The following SZT2 variants were observed in gnomAD, a reference collection of about 807,000 sequenced individuals.
The protein encoded by SZT2 is SZT2 subunit of KICSTOR complex.
A neutral mutation model predicts 404.2 loss-of-function variants in SZT2; 216 were observed. The observed-to-expected ratio is 0.53, with a 90% CI of 0.48 to 0.60. The LOEUF is 0.60. SZT2 is among the 20% of genes least tolerant of loss of function. SZT2 has a pLI of 0.00. For synonymous variants in SZT2, 1,693 were observed against 1,749.9 expected, an observed-to-expected ratio of 0.97 and a Z score of 0.81; for missense variants, 3,857 against 4,459.2, an observed-to-expected ratio of 0.86 and a Z score of 3.85.
rs150556127 is a variant in SZT2, at chr1:43,450,756, C to T, written c.*276C>T. 8.9e-5 allele frequency: 62 copies of T among 695,002 alleles called. No homozygotes were observed. Among genetic ancestry groups the T allele is most frequent in the Middle Eastern group, 5.2e-4 (2 of 3,822 alleles). 43.1% of individuals were successfully genotyped at this position (695,002 alleles called of 1,614,324 possible). On this transcript the variant is annotated 3_prime_UTR_variant, in exon 72 of 72. Coordinates refer to ENST00000634258, the MANE Select transcript of SZT2 (RefSeq NM_001365999.1). The surrounding 1 kb of genome is among the most constrained non-coding windows in gnomAD (Gnocchi z 4.3). The stretch of plus-strand genomic sequence containing the variant: ...TTGGGCCCTTCTGGGGTACTCCTTT[C>T]GGCCCCCCTGGTAGAGTCTCGGGAG...
chr1:43,416,620 T>C lies in SZT2; in HGVS notation c.858T>C (p.Thr286=). The change falls in exon 7 of 72, where the codon ACT becomes ACC. Residue 286 remains threonine (T), a synonymous_variant. Coordinates refer to ENST00000634258, the MANE Select transcript of SZT2 (RefSeq NM_001365999.1). ...TGCTGAACCAGCTTCGCAGTGGCAC[T>C]GTGGCTTGTTCCTTTGTCCAGGTGA... The part of the protein sequence containing the change: ...ETLLNQLRSG[T]VACSFVQVGG... 2 of 1,597,968 alleles carry C rather than the reference T, an allele frequency of 1.3e-6. No homozygotes were observed. The highest frequency in any genetic ancestry group is 3.3e-5 in the Admixed American group (2 of 59,956).
At position 43,454,159 on chromosome 1, in the gene SZT2, T is replaced by A; in HGVS notation, c.*3679T>A. The A allele has an allele frequency of 2.5e-6, 1 of 397,452 alleles. No homozygotes were observed. Among genetic ancestry groups the A allele is most frequent in the Non-Finnish European group, 3.5e-6 (1 of 283,132 alleles). 24.6% of individuals were successfully genotyped at this position (397,452 alleles called of 1,614,324 possible). A position where few individuals can be genotyped will look rare whatever the true frequency, so the allele number is the denominator to read the frequency against. ...ATGGGACGCGCACTTTAATACTGAG[T>A]CTTTCCTCTGATTATAAAAATGCTA... On this transcript the variant is annotated 3_prime_UTR_variant, in exon 72 of 72. Transcript: ENST00000634258.
chr1:43,401,526 G>A (rs1440799034), intron 1 of SZT2, among the ~76,000 whole-genome samples: 3 of 151,752 alleles, frequency 2.0e-5, no homozygotes, highest in African/African-American at 7.3e-5. Flanking sequence ...TCACTCTGTC[G>A]CCCAGGATGG....
rs749007292 is a variant in SZT2 at position 43,433,102 on chromosome 1, C to T, written c.5716C>T (p.Leu1906Phe). 1.9e-6 allele frequency: 3 copies of T among 1,614,212 alleles called. No homozygotes were observed. The highest frequency in any genetic ancestry group is 2.5e-6 in the Non-Finnish European group (3 of 1,180,036). Reference sequence around the variant, plus strand: ...TGGGCCAGCACCTCCACAGCCTTCACTCTCAGGCCTCCCTGGGCCCTGCCT... The same window carrying T: ...TGGGCCAGCACCTCCACAGCCTTCATTCTCAGGCCTCCCTGGGCCCTGCCT... ...PPGPAPPQPS[L>F]SGLPGPCLPD... The change falls in exon 40 of 72, where the codon CTC becomes TTC. Residue 1906 changes from leucine (L) to phenylalanine (F), a missense_variant. Leu to Phe is a conservative substitution (Grantham distance 22). This residue lies in a region of SZT2 where 1,725 missense variants were observed against 1,881.0 expected (regional missense o/e 0.92). Coordinates refer to ENST00000634258, the MANE Select transcript of SZT2 (RefSeq NM_001365999.1).
intron 1 of SZT2, among the ~76,000 whole-genome samples, chr1:43,398,989 A>C (rs1211145920): frequency 6.6e-6 from 1 of 152,080 alleles, no homozygotes; most frequent in Non-Finnish European, 1.5e-5. Flanking sequence ...CTGAGGTGGG[A>C]GAATCGCTTG....
In SZT2 at chr1:43,440,018, G is replaced by C; in HGVS notation, c.7180G>C (p.Ala2394Pro). ...DAIIELQLLP[A>P]SLCTEDTPTG... is the part of the protein sequence containing the mutation. ...CATCATCGAGCTTCAGCTGCTGCCAGCTTCACTATGTACAGAGGACACACC... is the reference window on the plus strand; with the variant it reads ...CATCATCGAGCTTCAGCTGCTGCCACCTTCACTATGTACAGAGGACACACC... Residue 2394 changes from alanine (A) to proline (P), a missense_variant, in exon 51 of 72, where the codon GCT becomes CCT. Transcript: ENST00000634258. 6.2e-7 allele frequency: 1 copy of C among 1,614,094 alleles called. No homozygotes were observed. The highest frequency in any genetic ancestry group is 8.5e-7 in the Non-Finnish European group (1 of 1,179,972).
chr1:43,429,459 C>G, intron 28 of SZT2: 1 of 460,458 alleles, frequency 2.2e-6, no homozygotes, highest in Non-Finnish European at 4.0e-6. Context: ...CACTGCACTC[C>G]TACCTCAGCA....
chr1:43,450,179 C>T lies in SZT2; in HGVS notation c.10155+8C>T, dbSNP rs763860541. On this transcript the variant is annotated splice_region_variant and intron_variant, in intron 71 of 71. Coordinates refer to ENST00000634258, the MANE Select transcript of SZT2 (RefSeq NM_001365999.1). The surrounding 1 kb of genome is among the most constrained non-coding windows in gnomAD (Gnocchi z 4.3). ...TCCCACTTAGGAAAGACGGTAAGAA[C>T]GAGTGGGGGGCTTTGTGTCAGCCTC... The T allele has an allele frequency of 1.4e-5, 22 of 1,614,106 alleles. No individual in the cohort carries two copies. The highest frequency in any genetic ancestry group is 3.3e-4 in the Middle Eastern group (2 of 6,062).
At position 43,454,164 on chromosome 1, in the gene SZT2, C is replaced by T. The variant is rs548003469; in HGVS notation, c.*3684C>T. On this transcript the variant is annotated 3_prime_UTR_variant, in exon 72 of 72. Coordinates refer to ENST00000634258, the MANE Select transcript of SZT2 (RefSeq NM_001365999.1). Reference sequence around the variant, plus strand: ...ACGCGCACTTTAATACTGAGTCTTTCCTCTGATTATAAAAATGCTATCTGT... The same window carrying T: ...ACGCGCACTTTAATACTGAGTCTTTTCTCTGATTATAAAAATGCTATCTGT... The T allele has an allele frequency of 2.6e-3, 969 of 373,316 alleles. 4 individuals carry two copies. The highest frequency in any genetic ancestry group is 3.3e-3 in the Non-Finnish European group (868 of 262,562). 23.1% of individuals were successfully genotyped at this position (373,316 alleles called of 1,614,324 possible).
intron 46 of SZT2, among the ~76,000 whole-genome samples, chr1:43,438,489 G>C (rs975104548): frequency 6.6e-6 from 1 of 152,210 alleles, no homozygotes; most frequent in Non-Finnish European, 1.5e-5. Context: ...TGAAGGCACA[G>C]AGGTTTTGAG....
At chr1:43,447,757 T>G (rs1260622741) in intron 67 of SZT2, 59 bp downstream of exon 67, 1 of 1,610,112 alleles carries the variant, frequency 6.2e-7, no homozygotes, top group Non-Finnish European at 8.5e-7. Context: ...GGGACATACT[T>G]GCAGTAGGGA....
Position 43,426,691 on chromosome 1 carries a change from C to T in SZT2, c.3215-24C>T. On this transcript the variant is annotated intron_variant, in intron 22 of 71. Transcript: ENST00000634258. This position sits in a 1 kb window ranked among gnomAD's most constrained non-coding sequence, Gnocchi z 4.9. ...CCTCTCTGCTGGCCCTGCCCTCTTT[C>T]ACCCATCTCTACCCCCATTGTAGGT... 6.3e-7 allele frequency: 1 copy of T among 1,582,736 alleles called. No homozygotes were observed. The highest frequency in any genetic ancestry group is 1.1e-5 in the South Asian group (1 of 87,098).
rs750401439 is a variant in SZT2 at position 43,451,258 on chromosome 1, G to A, written c.*778G>A. 1.9e-6 allele frequency: 3 copies of A among 1,614,060 alleles called. No individual in the cohort carries two copies. The highest frequency in any genetic ancestry group is 2.5e-6 in the Non-Finnish European group (3 of 1,180,038). ...GGCCCTCACTGGCCAGCCTCTGGGTGGCCCCGCCTATCCCAGTATGAACGT... is the reference window on the plus strand; with the variant it reads ...GGCCCTCACTGGCCAGCCTCTGGGTAGCCCCGCCTATCCCAGTATGAACGT... On this transcript the variant is annotated 3_prime_UTR_variant, in exon 72 of 72. Transcript: ENST00000634258.
At chr1:43,422,055 C>T (rs754881418) in intron 11 of SZT2, 28 bp from the exon 12 acceptor site, 2 of 1,582,426 alleles carry the variant, frequency 1.3e-6, no homozygotes, top group Admixed American at 3.4e-5. Flanking sequence ...TGCAAATGCT[C>T]CTATAGTGCT....
Position 43,431,862 on chromosome 1 carries a change from T to A in SZT2, c.5235T>A (p.Phe1745Leu). The A allele has an allele frequency of 2.5e-6, 4 of 1,614,222 alleles. No homozygotes were observed. Among genetic ancestry groups the A allele is most frequent in the Non-Finnish European group, 3.4e-6 (4 of 1,180,036 alleles). Residue 1745 changes from phenylalanine (F) to leucine (L), a missense_variant, in exon 36 of 72, where the codon TTT (phenylalanine) becomes TTA (leucine). By Grantham distance (22) the Phe-to-Leu change is conservative. This residue lies in a region of SZT2 where 1,725 missense variants were observed against 1,881.0 expected (regional missense o/e 0.92). Transcript: ENST00000634258. ...TCLRQTLPLSFVFGPERSLTQ... is the reference protein window; with the variant it reads ...TCLRQTLPLSLVFGPERSLTQ... The stretch of plus-strand genomic sequence containing the variant: ...TTCGCCAAACTCTGCCACTGAGTTT[T>A]GTATTTGGGCCAGAGCGTTCCCTCA...
At position 43,420,041 on chromosome 1, in the gene SZT2, G is replaced by C. The variant is rs1429684838; in HGVS notation, c.1090+97G>C. The C allele has an allele frequency of 3.2e-6, 5 of 1,563,804 alleles. No homozygotes were observed. The highest frequency in any genetic ancestry group is 4.3e-6 in the Non-Finnish European group (5 of 1,156,132). On this transcript the variant is annotated intron_variant, in intron 8 of 71. Transcript: ENST00000634258. The surrounding 1 kb of genome is among the most constrained non-coding windows in gnomAD (Gnocchi z 5.1). ...AGGACTGAAAGTGTAACTGGGGCTG[G>C]CTCTGCTGGCACTGTTACCTCACAG...
In SZT2 at chr1:43,448,455, A is replaced by G; in HGVS notation, c.9940A>G (p.Lys3314Glu). ...GGAACTCCTAGAAGCAGTCCATGCCAAATCCATTGGGGACATCGACCCCCA... is the reference window on the plus strand; with the variant it reads ...GGAACTCCTAGAAGCAGTCCATGCCGAATCCATTGGGGACATCGACCCCCA... Reference protein sequence around the residue: ...LEELLEAVHAKSIGDIDPQLD... With the variant: ...LEELLEAVHAESIGDIDPQLD... The change falls in exon 69 of 72, where the codon AAA becomes GAA. Residue 3314 changes from lysine to glutamate, a missense_variant. This residue lies in a region of SZT2 where 717 missense variants were observed against 868.2 expected (regional missense o/e 0.83). Transcript: ENST00000634258. The surrounding 1 kb of genome is among the most constrained non-coding windows in gnomAD (Gnocchi z 4.2). The G allele has an allele frequency of 2.5e-6, 4 of 1,610,732 alleles. No homozygotes were observed. The highest frequency in any genetic ancestry group is 3.4e-6 in the Non-Finnish European group (4 of 1,178,862).
rs752086500 is a variant in SZT2, at chr1:43,432,726, A to C, written c.5531-2A>C. On this transcript the variant is annotated splice_acceptor_variant, in intron 38 of 71. Coordinates refer to ENST00000634258, the MANE Select transcript of SZT2 (RefSeq NM_001365999.1). LOFTEE classifies it high-confidence loss of function. ...CTCCAGGCATTTTCCTTCTCTATCC[A>C]GGGAGTCAGCCTGGGCCCAGCCGGG... 6.2e-7 allele frequency: 1 copy of C among 1,613,868 alleles called. No individual in the cohort carries two copies. The highest frequency in any genetic ancestry group is 8.5e-7 in the Non-Finnish European group (1 of 1,179,946).
At chr1:43,399,769 G>A (rs1649460228) in intron 1 of SZT2, among the ~76,000 whole-genome samples, 1 of 150,832 alleles carries the variant, frequency 6.6e-6, no homozygotes, top group Non-Finnish European at 1.5e-5. Context: ...CCACCAGAGG[G>A]AATTTTTTTT....
Sources: allele counts gnomAD v4.1 joint callset (sites outside exome capture counted in the v4.1 genomes callset), GRCh38; gene constraint gnomAD v4.1.1; regional missense constraint gnomAD v4.1.1; non-coding constraint Gnocchi (gnomAD v3.1); transcripts MANE v1.5; gene names NCBI Gene and HGNC (gene_info 2026-07-23, HGNC 2026-07-21).